The following SLC35F3 variants were observed in gnomAD, a reference collection of about 807,000 sequenced individuals.
The protein encoded by SLC35F3 is solute carrier family 35 member F3, also known as putative thiamine transporter SLC35F3.
SLC35F3 carries 25 observed loss-of-function variants against 49.9 expected under a neutral mutation model. The observed-to-expected ratio is 0.50, with a 90% CI of 0.37 to 0.70. SLC35F3 has a LOEUF of 0.70. Ranked by LOEUF, SLC35F3 falls within the 30% of genes least tolerant of loss-of-function variation. The pLI is 0.00. For synonymous variants in SLC35F3, 275 were observed against 265.4 expected (o/e 1.04, Z -0.35); for missense variants, 525 against 639.8 (o/e 0.82, Z 1.94).
In SLC35F3 at chr1:234,170,078, A is replaced by T. The variant is rs1666377031; in HGVS notation, c.284-61339A>T. On this transcript the variant is annotated intron_variant, in intron 2 of 7. Coordinates refer to ENST00000366618, the MANE Select transcript of SLC35F3 (RefSeq NM_173508.4). Reference sequence around the variant, plus strand: ...CACTGCACCTGGCCTCCAGGGGAACATCTTAATCCTTCATGCCTCTTCTCC... The same window carrying T: ...CACTGCACCTGGCCTCCAGGGGAACTTCTTAATCCTTCATGCCTCTTCTCC... 2.0e-5 allele frequency among the ~76,000 whole-genome samples: 3 copies of T among 152,152 alleles called. No homozygotes were observed. In the South Asian group the frequency reaches 6.2e-4, roughly 32 times the overall value.
chr1:234,243,442 C>T (rs1667585445), intron 3 of SLC35F3, among the ~76,000 whole-genome samples: 1 of 152,152 alleles, frequency 6.6e-6, no homozygotes, highest in Non-Finnish European at 1.5e-5. Flanking sequence ...TAAAGTTGGA[C>T]AAAAGTTGGT....
chr1:234,033,061 A>T (rs1229746368), intron 2 of SLC35F3, among the ~76,000 whole-genome samples: 1 of 152,028 alleles, frequency 6.6e-6, no homozygotes, highest in East Asian at 1.9e-4. Flanking sequence ...TTGCAGGAGT[A>T]AGATGATATC....
At chr1:233,965,093 G>A (rs1268193250) in intron 2 of SLC35F3, among the ~76,000 whole-genome samples, 5 of 152,116 alleles carry the variant, frequency 3.3e-5, no homozygotes, top group African/African-American at 4.8e-5. Flanking sequence ...TTATACCCTG[G>A]GTCCTTTTAA....
At chr1:234,140,522 TG>T (rs992350894) in intron 2 of SLC35F3, among the ~76,000 whole-genome samples, 1 of 152,172 alleles carries the variant, frequency 6.6e-6, no homozygotes. Flanking sequence ...ACCCATCCAG[TG>T]GGGGGTCTTG....
intron 2 of SLC35F3, among the ~76,000 whole-genome samples, chr1:234,049,391 C>A (rs894885200): frequency 6.6e-6 from 1 of 152,068 alleles, no homozygotes; most frequent in Non-Finnish European, 1.5e-5. Flanking sequence ...CTTTCTCCCC[C>A]TCTCCTGTGT....
At chr1:234,126,476 C>CGTGTGTGTGTGTGTGTGTGTGT (rs147108235) in intron 2 of SLC35F3, among the ~76,000 whole-genome samples, 5,576 of 119,292 alleles carry the variant, frequency 0.047, 151 homozygotes, top group Non-Finnish European at 0.053. Flanking sequence ...CCCTGTTTTA[C>CGTGTGTGTGTGTGTGTGTGTGT]ATGTGTGTGT....
At chr1:234,279,202 C>G (rs1265713458) in intron 3 of SLC35F3, among the ~76,000 whole-genome samples, 1 of 152,108 alleles carries the variant, frequency 6.6e-6, no homozygotes, top group Non-Finnish European at 1.5e-5. Flanking sequence ...AGATAAGAGA[C>G]AAATGGTTAC....
chr1:234,124,910 A>T (rs966731052), intron 2 of SLC35F3, among the ~76,000 whole-genome samples: 20 of 152,146 alleles, frequency 1.3e-4, no homozygotes, highest in Non-Finnish European at 2.9e-4. Flanking sequence ...CTCTGTGTCT[A>T]TGTGTACACG....
In SLC35F3 at chr1:233,936,390, G is replaced by A. The variant is rs558843678; in HGVS notation, c.283+30632G>A. ...ACTATCCTGTCTGTATCATAATATC[G>A]TCTCTCTGTTTCTTATAGCCTGTGC... On this transcript the variant is annotated intron_variant, in intron 2 of 7. Coordinates refer to ENST00000366618, the MANE Select transcript of SLC35F3 (RefSeq NM_173508.4). Among the ~76,000 whole-genome samples, 12 of 152,114 alleles carry A rather than the reference G, an allele frequency of 7.9e-5. No individual in the cohort carries two copies. The East Asian group carries it at 1.5e-3, about 20-fold the overall frequency.
intron 2 of SLC35F3, among the ~76,000 whole-genome samples, chr1:234,078,886 T>A (rs1664835482): frequency 6.6e-6 from 1 of 152,176 alleles, no homozygotes; most frequent in African/African-American, 2.4e-5. Context: ...TAAATGTTCT[T>A]TCACCCTCAC....
At chr1:233,998,143 G>A (rs10797515) in intron 2 of SLC35F3, among the ~76,000 whole-genome samples, 18,348 of 151,914 alleles carry the variant, frequency 0.12, 1,736 homozygotes, top group East Asian at 0.41. Context: ...ATGGTTCTGC[G>A]TGTTTAAATT....
intron 2 of SLC35F3, among the ~76,000 whole-genome samples, chr1:234,122,378 T>C (rs1228384264): frequency 1.3e-5 from 2 of 152,260 alleles, no homozygotes; most frequent in Non-Finnish European, 2.9e-5. Context: ...ACTTTTTAAA[T>C]ATATAGGCAA....
At position 234,322,903 on chromosome 1, in the gene SLC35F3, CACA is replaced by C. The variant is rs1037550220; in HGVS notation, c.1238-101_1238-99del. The C allele has an allele frequency of 1.1e-5, 10 of 942,700 alleles. No homozygotes were observed. The Admixed American group carries it at 2.1e-4, about 19-fold the overall frequency. 58.4% of individuals were successfully genotyped at this position (942,700 alleles called of 1,614,324 possible). On this transcript the variant is annotated intron_variant, in intron 7 of 7. Transcript: ENST00000366618. ...GAGAATCCTGTGGTCCAGGGAAGACCACAACACTGCCAGACAGAGGAGGGTGCC... is the reference window on the plus strand; with the variant it reads ...GAGAATCCTGTGGTCCAGGGAAGACCACACTGCCAGACAGAGGAGGGTGCC...
chr1:234,206,321 G>A (rs12036383), intron 2 of SLC35F3, among the ~76,000 whole-genome samples: 38,201 of 151,712 alleles, frequency 0.25, 10,279 homozygotes, highest in East Asian at 0.88. Context: ...GAGGAGAGCC[G>A]GTTTCTCAGG....
intron 2 of SLC35F3, among the ~76,000 whole-genome samples, chr1:233,977,339 G>T (rs1558194841): frequency 6.6e-6 from 1 of 152,194 alleles, no homozygotes; most frequent in Admixed American, 6.5e-5. Flanking sequence ...TTACAAAATT[G>T]CAGCTTTGTC....
intron 2 of SLC35F3, among the ~76,000 whole-genome samples, chr1:234,140,002 A>AATAAAAAAATAAAATAAAATAAAATAAT: frequency 9.5e-6 from 1 of 105,368 alleles, no homozygotes; most frequent in Non-Finnish European, 2.4e-5. Context: ...AATAAAATAA[A>AATAAAAAAATAAAATAAAATAAAATAAT]GTAAGTGACT....
chr1:234,139,985 A>AAAAT lies in SLC35F3; in HGVS notation c.284-91428_284-91425dup, dbSNP rs1558240059. ...AAAATAAAATAAAATAAAATAAAAT[A>AAAAT]AAATAAAATAAAATAAAGTAAGTGA... On this transcript the variant is annotated intron_variant, in intron 2 of 7. Coordinates refer to ENST00000366618, the MANE Select transcript of SLC35F3 (RefSeq NM_173508.4). 5.6e-4 allele frequency among the ~76,000 whole-genome samples: 79 copies of AAAAT among 140,384 alleles called. 4 individuals are homozygous for AAAAT. The highest frequency in any genetic ancestry group is 3.9e-3 in the Middle Eastern group (1 of 254). 92.1% of individuals were successfully genotyped at this position (140,384 alleles called of 152,430 possible).
At chr1:234,043,478 A>G (rs750849068) in intron 2 of SLC35F3, among the ~76,000 whole-genome samples, 1 of 152,214 alleles carries the variant, frequency 6.6e-6, no homozygotes, top group African/African-American at 2.4e-5. Context: ...ATTGTTTTAC[A>G]TTGTGCAAAT....
intron 3 of SLC35F3, among the ~76,000 whole-genome samples, chr1:234,265,590 C>T (rs938880013): frequency 6.6e-6 from 1 of 152,106 alleles, no homozygotes; most frequent in Non-Finnish European, 1.5e-5. Flanking sequence ...CCAGCCCCAC[C>T]ATGTCCCCCC....
Sources: gnomAD v4.1 joint callset for allele counts (sites outside exome capture counted in the v4.1 genomes callset) on GRCh38, gnomAD v4.1.1 for gene constraint, MANE v1.5 for transcripts, NCBI Gene and HGNC (gene_info 2026-07-23, HGNC 2026-07-21) for gene names.